Variants in RAB3C observed in about 807,000 individuals in gnomAD.
RAB3C encodes the protein RAB3C, member RAS oncogene family.
RAB3C carries 17 observed loss-of-function variants against 26.4 expected under a neutral mutation model. The ratio of observed to expected loss-of-function variants is 0.64; its 90% CI spans 0.44 to 0.97. RAB3C has a LOEUF of 0.97. RAB3C is among the 50% of genes least tolerant of loss of function. The pLI, the probability that RAB3C is intolerant of heterozygous loss-of-function variation, is 0.00. For synonymous variants in RAB3C, 91 were observed against 95.9 expected, an observed-to-expected ratio of 0.95 and a Z score of 0.30; for missense variants, 242 against 281.9, an observed-to-expected ratio of 0.86 and a Z score of 1.01.
intron 2 of RAB3C, among the ~76,000 whole-genome samples, chr5:58,720,550 T>C (rs756158515): frequency 3.3e-5 from 5 of 151,908 alleles, no homozygotes; most frequent in Admixed American, 6.6e-5. Context: ...CTTCTTTATG[T>C]CCATTTGGAA....
At chr5:58,679,377 C>T (rs1386686663) in intron 2 of RAB3C, among the ~76,000 whole-genome samples, 2 of 152,168 alleles carry the variant, frequency 1.3e-5, no homozygotes, top group Admixed American at 6.5e-5. Flanking sequence ...TTCTCTTAAG[C>T]TTAATTGTGA....
In RAB3C at chr5:58,809,347, G is replaced by T. The variant is rs188629146; in HGVS notation, c.372-15691G>T. On this transcript the variant is annotated intron_variant, in intron 3 of 4. Coordinates refer to ENST00000282878, the MANE Select transcript of RAB3C (RefSeq NM_138453.4). ...CCTTGAAGGCACACTTTTGATGAAA[G>T]AAAAAAGGATTTCTGGTTTTGAAAG... is the stretch of plus-strand genomic sequence containing the variant. Among the ~76,000 whole-genome samples the T allele has an allele frequency of 5.1e-5, 5 of 97,456 alleles. No homozygotes were observed. The East Asian group carries it at 1.7e-3, about 33-fold the overall frequency. The allele number at this position is 97,456 out of a possible 152,430, so 63.9% of individuals were successfully genotyped here.
At chr5:58,702,217 C>A (rs1449040509) in intron 2 of RAB3C, among the ~76,000 whole-genome samples, 1 of 152,168 alleles carries the variant, frequency 6.6e-6, no homozygotes. Context: ...TTCATAATTT[C>A]TGTTATAGCC....
chr5:58,618,530 C>T (rs992173483), intron 2 of RAB3C, among the ~76,000 whole-genome samples: 2 of 152,074 alleles, frequency 1.3e-5, no homozygotes, highest in Admixed American at 6.6e-5. Context: ...AGCTTTTTGC[C>T]TCTCCTTACC....
chr5:58,749,781 T>G (rs1741482862), intron 3 of RAB3C, among the ~76,000 whole-genome samples: 1 of 152,174 alleles, frequency 6.6e-6, no homozygotes, highest in Admixed American at 6.5e-5. Flanking sequence ...TGTTATTAAT[T>G]TTTTTGTTTC....
intron 3 of RAB3C, among the ~76,000 whole-genome samples, chr5:58,774,485 G>C (rs560761331): frequency 6.6e-6 from 1 of 152,132 alleles, no homozygotes; most frequent in East Asian, 1.9e-4. Context: ...GCCAGGCACT[G>C]TTTCTAGCAC....
intron 2 of RAB3C, among the ~76,000 whole-genome samples, chr5:58,645,316 G>C (rs1349625018): frequency 6.6e-6 from 1 of 152,180 alleles, no homozygotes; most frequent in Admixed American, 6.5e-5. Flanking sequence ...TCTCCTAAAT[G>C]AATGTGTAGA....
intron 2 of RAB3C, among the ~76,000 whole-genome samples, chr5:58,707,850 T>TC (rs965454794): frequency 6.6e-6 from 1 of 151,874 alleles, no homozygotes; most frequent in African/African-American, 2.4e-5. Context: ...ACTCTATTTT[T>TC]CCCCCCAGCC....
At chr5:58,737,376 G>T (rs1169090374) in intron 3 of RAB3C, among the ~76,000 whole-genome samples, 2 of 113,982 alleles carry the variant, frequency 1.8e-5, no homozygotes, top group African/African-American at 3.3e-5. Context: ...CTTTTTCACA[G>T]CATTTATCAC....
At chr5:58,769,854 C>G (rs1741995186) in intron 3 of RAB3C, among the ~76,000 whole-genome samples, 1 of 152,112 alleles carries the variant, frequency 6.6e-6, no homozygotes, top group African/African-American at 2.4e-5. Context: ...AAATATGAAG[C>G]TCTGAAGAGT....
At chr5:58,681,021 T>A (rs1000096925) in intron 2 of RAB3C, among the ~76,000 whole-genome samples, 14 of 151,522 alleles carry the variant, frequency 9.2e-5, no homozygotes, top group Admixed American at 3.9e-4. Context: ...TTTAATAAAA[T>A]TTTTTTTAAT....
At chr5:58,669,976 G>A (rs914894319) in intron 2 of RAB3C, among the ~76,000 whole-genome samples, 3 of 152,164 alleles carry the variant, frequency 2.0e-5, no homozygotes, top group Admixed American at 6.6e-5. Context: ...AAGATCTGGA[G>A]AGTAGGCAAT....
intron 3 of RAB3C, among the ~76,000 whole-genome samples, chr5:58,758,701 A>T (rs77539059): frequency 0.014 from 2,114 of 152,324 alleles, 36 homozygotes; most frequent in African/African-American, 0.049. Flanking sequence ...AAAGGAAAAA[A>T]GTAAACATAA....
At chr5:58,796,607 G>A (rs1742655342) in intron 3 of RAB3C, among the ~76,000 whole-genome samples, 1 of 152,168 alleles carries the variant, frequency 6.6e-6, no homozygotes. Context: ...AAAATGGGAT[G>A]GCGAGGCACC....
intron 2 of RAB3C, among the ~76,000 whole-genome samples, chr5:58,724,506 C>T (rs1005030387): frequency 5.3e-5 from 8 of 151,738 alleles, no homozygotes; most frequent in Non-Finnish European, 1.2e-4. Context: ...GTGGCTTGTA[C>T]TTGGTAGATA....
intron 2 of RAB3C, among the ~76,000 whole-genome samples, chr5:58,635,830 A>G (rs1376492036): frequency 6.6e-6 from 1 of 152,204 alleles, no homozygotes; most frequent in African/African-American, 2.4e-5. Flanking sequence ...GGAAGAGTTC[A>G]CTAGATGGTG....
chr5:58,814,105 A>T (rs1249504519), intron 3 of RAB3C, among the ~76,000 whole-genome samples: 2 of 152,182 alleles, frequency 1.3e-5, no homozygotes, highest in South Asian at 4.1e-4. Flanking sequence ...AAGAGAAGGT[A>T]TCACTATATC....
intron 3 of RAB3C, among the ~76,000 whole-genome samples, chr5:58,757,325 T>G (rs1741693092): frequency 2.0e-5 from 3 of 151,354 alleles, no homozygotes; most frequent in African/African-American, 7.3e-5. Flanking sequence ...AGGTATAGCA[T>G]TTAAGTGCCA....
At chr5:58,823,138 C>T in intron 3 of RAB3C, 1 of 394,626 alleles carries the variant, frequency 2.5e-6, no homozygotes. Flanking sequence ...ACATGCATTA[C>T]CTAATGGAAG....
Sources: gnomAD v4.1 joint callset for allele counts (sites outside exome capture counted in the v4.1 genomes callset) on GRCh38, gnomAD v4.1.1 for gene constraint, MANE v1.5 for transcripts, NCBI Gene and HGNC (gene_info 2026-07-23, HGNC 2026-07-21) for gene names.